ZBTB20: variants seen among roughly 807,000 people sequenced by gnomAD.
ZBTB20 encodes zinc finger and BTB domain-containing protein 20.
Under a neutral mutation model 56.9 loss-of-function variants are expected in ZBTB20, and 9 were observed. The ratio of observed to expected loss-of-function variants is 0.16; its 90% confidence interval spans 0.10 to 0.28. The LOEUF (loss-of-function observed/expected upper bound fraction) is 0.28. Among genes scored for constraint, ZBTB20 ranks in the 10% least tolerant of loss-of-function variants. ZBTB20 has a pLI of 1.00. For synonymous variants in ZBTB20, 417 were observed against 420.7 expected, an observed-to-expected ratio of 0.99 and a Z score of 0.11; for missense variants, 655 against 1,003.0, an observed-to-expected ratio of 0.65 and a Z score of 4.69.
At chr3:114,921,794 C>T (rs1258792530) in intron 3 of ZBTB20, among the ~76,000 whole-genome samples, 1 of 151,852 alleles carries the variant, frequency 6.6e-6, no homozygotes, top group Non-Finnish European at 1.5e-5. Flanking sequence ...AGCACACCAA[C>T]ATGGCACATG....
intron 6 of ZBTB20, among the ~76,000 whole-genome samples, chr3:114,663,717 A>G (rs1437718959): frequency 3.3e-5 from 5 of 151,112 alleles, no homozygotes. Flanking sequence ...ATGGAAAACT[A>G]AAAAAGGCAG....
At position 114,324,223 on chromosome 3, in the gene ZBTB20, G is replaced by A. The variant is rs1202378647; in HGVS notation, c.*14782C>T. ...TAGAAGAGGAAAACAGCTATTTAATGTAAAGGTCAGTAGTGGTTTTTACTT... is the reference window on the plus strand; with the variant it reads ...TAGAAGAGGAAAACAGCTATTTAATATAAAGGTCAGTAGTGGTTTTTACTT... On this transcript the variant is annotated 3_prime_UTR_variant, in exon 12 of 12. Transcript: ENST00000675478. 6.6e-6 allele frequency: 1 copy of A among 152,194 alleles called. No individual in the cohort carries two copies. The highest frequency in any genetic ancestry group is 1.9e-4 in the East Asian group (1 of 5,204). 9.4% of individuals were successfully genotyped at this position (152,194 alleles called of 1,614,324 possible). A position where few individuals can be genotyped will look rare whatever the true frequency, so the allele number is the denominator to read the frequency against.
intron 5 of ZBTB20, among the ~76,000 whole-genome samples, chr3:114,708,589 C>A (rs765913805): frequency 6.6e-6 from 1 of 152,108 alleles, no homozygotes; most frequent in Non-Finnish European, 1.5e-5. Context: ...AATGACAGTA[C>A]ATTCCTAGAC....
At chr3:114,800,998 T>C (rs763018756) in intron 5 of ZBTB20, 103 bp downstream of exon 5, 4 of 151,998 alleles carry the variant, frequency 2.6e-5, no homozygotes, top group South Asian at 2.1e-4. Flanking sequence ...TTCAGGGACA[T>C]TCAAATTTTT....
At chr3:114,753,265 G>A (rs2067704832) in intron 5 of ZBTB20, among the ~76,000 whole-genome samples, 1 of 119,288 alleles carries the variant, frequency 8.4e-6, no homozygotes, top group African/African-American at 3.2e-5. Context: ...ATGTATATAT[G>A]TATACCTGTA....
At chr3:114,521,112 A>G (rs1398046784) in intron 6 of ZBTB20, among the ~76,000 whole-genome samples, 1 of 152,176 alleles carries the variant, frequency 6.6e-6, no homozygotes, top group Non-Finnish European at 1.5e-5. Context: ...TTAAAAACAC[A>G]CATATATTTT....
chr3:114,792,371 A>G (rs2071022598), intron 5 of ZBTB20, among the ~76,000 whole-genome samples: 1 of 152,188 alleles, frequency 6.6e-6, no homozygotes, highest in Admixed American at 6.5e-5. Flanking sequence ...TCTGCTAAGC[A>G]GGAAAGATAT....
At chr3:114,397,435 C>A (rs1576584894) in intron 7 of ZBTB20, among the ~76,000 whole-genome samples, 1 of 151,520 alleles carries the variant, frequency 6.6e-6, no homozygotes, top group Non-Finnish European at 1.5e-5. Context: ...CAGGATATAT[C>A]TTTTCCCATG....
At chr3:114,994,633 C>T (rs2078952900) in intron 2 of ZBTB20, among the ~76,000 whole-genome samples, 1 of 151,882 alleles carries the variant, frequency 6.6e-6, no homozygotes, top group Non-Finnish European at 1.5e-5. Context: ...ATATAGCCAT[C>T]TTTAAGTTTA....
At chr3:114,603,067 G>C (rs938329481) in intron 6 of ZBTB20, among the ~76,000 whole-genome samples, 2 of 151,982 alleles carry the variant, frequency 1.3e-5, no homozygotes, top group African/African-American at 4.8e-5. Context: ...GAATTGAATA[G>C]AGTCCTAGAA....
intron 4 of ZBTB20, among the ~76,000 whole-genome samples, chr3:114,831,555 G>A (rs767101536): frequency 5.3e-5 from 8 of 151,904 alleles, no homozygotes; most frequent in Middle Eastern, 3.2e-3. Flanking sequence ...TTCATATAGC[G>A]CTTACAGCCT....
chr3:114,597,114 T>C (rs991829590), intron 6 of ZBTB20, among the ~76,000 whole-genome samples: 3 of 152,104 alleles, frequency 2.0e-5, no homozygotes, highest in Admixed American at 6.6e-5. Flanking sequence ...TCCATATGCA[T>C]AAAAGGTGAA....
intron 1 of ZBTB20, among the ~76,000 whole-genome samples, chr3:115,073,148 TG>T (rs2108515416): frequency 1.3e-5 from 2 of 152,334 alleles, no homozygotes; most frequent in South Asian, 4.1e-4. Flanking sequence ...GTCAGGATGC[TG>T]TCATTGATTC....
chr3:114,547,608 T>A (rs187561542), intron 6 of ZBTB20, among the ~76,000 whole-genome samples: 5 of 152,252 alleles, frequency 3.3e-5, no homozygotes, highest in Non-Finnish European at 5.9e-5. Flanking sequence ...TCCCAATGAT[T>A]AAGGGGTGTA....
intron 8 of ZBTB20, chr3:114,387,874 C>T (rs948257393): frequency 6.6e-5 from 10 of 152,240 alleles, no homozygotes; most frequent in Non-Finnish European, 1.3e-4. Context: ...CTATAGAACA[C>T]ATTCCCCTCC....
chr3:115,053,276 A>G (rs995412980), intron 2 of ZBTB20, among the ~76,000 whole-genome samples: 1 of 152,174 alleles, frequency 6.6e-6, no homozygotes, highest in Non-Finnish European at 1.5e-5. Flanking sequence ...CTTATCCTTC[A>G]TCGTTGGAAC....
rs565086591 is a variant in ZBTB20 at position 114,636,923 on chromosome 3, C to A, written c.-295+56605G>T. Reference sequence around the variant, plus strand: ...GCTGTTAAAACAGCAACAACAACAACAACAAAAAACAACAACAACACACTT... The same window carrying A: ...GCTGTTAAAACAGCAACAACAACAAAAACAAAAAACAACAACAACACACTT... On this transcript the variant is annotated intron_variant, in intron 6 of 11. Coordinates refer to ENST00000675478, the MANE Select transcript of ZBTB20 (RefSeq NM_001348800.3). Among the ~76,000 whole-genome samples the A allele has an allele frequency of 5.5e-4, 14 of 25,470 alleles. No individual in the cohort carries two copies. The East Asian group carries it at 0.015, about 27-fold the overall frequency. 16.7% of individuals were successfully genotyped at this position (25,470 alleles called of 152,430 possible). A position where few individuals can be genotyped will look rare whatever the true frequency, so the allele number is the denominator to read the frequency against.
chr3:114,629,249 C>G (rs2058806070), intron 6 of ZBTB20, among the ~76,000 whole-genome samples: 1 of 152,014 alleles, frequency 6.6e-6, no homozygotes, highest in African/African-American at 2.4e-5. Context: ...ATAATAATAT[C>G]CACTTCTATT....
At chr3:114,925,460 C>T (rs1293192764) in intron 3 of ZBTB20, among the ~76,000 whole-genome samples, 1 of 152,012 alleles carries the variant, frequency 6.6e-6, no homozygotes, top group Non-Finnish European at 1.5e-5. Context: ...TTTCTTTATC[C>T]TTAAGAAAGG....
Sources: gnomAD v4.1 joint callset for allele counts (sites outside exome capture counted in the v4.1 genomes callset) on GRCh38, gnomAD v4.1.1 for gene constraint, MANE v1.5 for transcripts, NCBI Gene and HGNC (gene_info 2026-07-23, HGNC 2026-07-21) for gene names.